CHD9: variants seen among roughly 807,000 people sequenced by gnomAD.
The protein encoded by CHD9 is chromodomain helicase DNA binding protein 9.
Under a neutral mutation model 316.1 loss-of-function variants are expected in CHD9, and 77 were observed. The ratio of observed to expected loss-of-function variants is 0.24; its 90% confidence interval spans 0.20 to 0.29. The LOEUF (loss-of-function observed/expected upper bound fraction) is 0.29. Ranked by LOEUF, CHD9 falls within the 10% of genes least tolerant of loss-of-function variation. The pLI is 1.00. For missense variants in CHD9, 2,763 were observed against 3,438.1 expected (o/e 0.80, Z 4.91); for synonymous variants, 1,129 against 1,158.3 (o/e 0.97, Z 0.51).
At chr16:53,275,918 C>T (rs1205460532) in intron 24 of CHD9, among the ~76,000 whole-genome samples, 5 of 152,252 alleles carry the variant, frequency 3.3e-5, no homozygotes, top group Admixed American at 1.3e-4. Context: ...CCACTACAGC[C>T]GCATAATCAC....
rs747096851 is a variant in CHD9, at chr16:53,245,511, C to T, written c.3198+32C>T. 11 of 1,552,208 alleles carry T rather than the reference C, an allele frequency of 7.1e-6. No individual in the cohort carries two copies. Among genetic ancestry groups the T allele is most frequent in the African/African-American group, 2.8e-5 (2 of 72,252 alleles). On this transcript the variant is annotated intron_variant, in intron 14 of 38. Coordinates refer to ENST00000447540, the MANE Select transcript of CHD9 (RefSeq NM_001308319.2). The surrounding 1 kb of genome is among the most constrained non-coding windows in gnomAD (Gnocchi z 4.1). Reference sequence around the variant, plus strand: ...TATTGCTCTTTGTAAATACATTCATCGCATTTCTAATCATTGTAATTATTT... The same window carrying T: ...TATTGCTCTTTGTAAATACATTCATTGCATTTCTAATCATTGTAATTATTT...
chr16:53,119,673 A>T (rs760703120), intron 1 of CHD9, among the ~76,000 whole-genome samples: 1 of 152,160 alleles, frequency 6.6e-6, no homozygotes, highest in Non-Finnish European at 1.5e-5. Flanking sequence ...TCTCTACTAA[A>T]TATAAAAAAT....
chr16:53,128,112 T>G (rs1372514535), intron 1 of CHD9, among the ~76,000 whole-genome samples: 2 of 152,202 alleles, frequency 1.3e-5, no homozygotes, highest in Non-Finnish European at 2.9e-5. Flanking sequence ...ACAGGCTTTC[T>G]GGATACCCAA....
chr16:53,161,035 T>A (rs62048020), intron 2 of CHD9, among the ~76,000 whole-genome samples: 36,405 of 152,024 alleles, frequency 0.24, 4,695 homozygotes, highest in Middle Eastern at 0.32. Context: ...CAGTGAGCTG[T>A]GATTGTGTTG....
At chr16:53,206,982 C>T (rs1026427637) in intron 2 of CHD9, among the ~76,000 whole-genome samples, 5 of 152,180 alleles carry the variant, frequency 3.3e-5, no homozygotes, top group Non-Finnish European at 7.4e-5. Flanking sequence ...ATCCTTTCCT[C>T]GTCCTTACTT....
chr16:53,288,964 A>G (rs2054111155), intron 27 of CHD9, among the ~76,000 whole-genome samples: 1 of 151,740 alleles, frequency 6.6e-6, no homozygotes, highest in African/African-American at 2.4e-5. Context: ...GAAACAGTTC[A>G]ACCCTGACTA....
chr16:53,217,140 G>A (rs1224225737), intron 3 of CHD9, among the ~76,000 whole-genome samples: 1 of 152,038 alleles, frequency 6.6e-6, no homozygotes, highest in Non-Finnish European at 1.5e-5. Context: ...ATTTAGGATA[G>A]CTCCTCAGAC....
At chr16:53,107,459 C>CAAAAA (rs2037447552) in intron 1 of CHD9, among the ~76,000 whole-genome samples, 1 of 129,830 alleles carries the variant, frequency 7.7e-6, no homozygotes. Context: ...CACTCCATCT[C>CAAAAA]AAAATAAAAT....
intron 31 of CHD9, among the ~76,000 whole-genome samples, 165 bp downstream of exon 31, chr16:53,304,790 G>T (rs1347807229): frequency 6.7e-6 from 1 of 149,400 alleles, no homozygotes; most frequent in East Asian, 2.0e-4. Flanking sequence ...CACCTCCTGG[G>T]TTCAAGCGAC....
Position 53,159,845 on chromosome 16 carries a change from G to C in CHD9, c.1452+2304G>C, listed in dbSNP as rs188631415. On this transcript the variant is annotated intron_variant, in intron 2 of 38. Coordinates refer to ENST00000447540, the MANE Select transcript of CHD9 (RefSeq NM_001308319.2). ...GGCTGATCTCTGGTCTTGAACTCCTGACCTCAGGTGATCCACCGGCCTTGA... is the reference window on the plus strand; with the variant it reads ...GGCTGATCTCTGGTCTTGAACTCCTCACCTCAGGTGATCCACCGGCCTTGA... Among the ~76,000 whole-genome samples, 126 of 152,236 alleles carry C rather than the reference G, an allele frequency of 8.3e-4. 1 individual carries two copies. The South Asian group carries it at 1.0e-2, about 12-fold the overall frequency.
chr16:53,232,379 G>C (rs2048252590), intron 10 of CHD9, among the ~76,000 whole-genome samples: 1 of 152,108 alleles, frequency 6.6e-6, no homozygotes, highest in Non-Finnish European at 1.5e-5. Flanking sequence ...GTGCATATCA[G>C]AATCTCTTCT....
rs1041644349 is a variant in CHD9 at position 53,072,828 on chromosome 16, G to A, written c.-165+17751G>A. Among the ~76,000 whole-genome samples, 9 of 151,970 alleles carry A rather than the reference G, an allele frequency of 5.9e-5. No individual in the cohort carries two copies. In the East Asian group the frequency reaches 1.7e-3, roughly 29 times the overall value. On this transcript the variant is annotated intron_variant, in intron 1 of 38. Transcript: ENST00000447540. ...TCCTGCCTCAGCCTCCTGAGTAGCTGGGACTACAGGCGCCTGCCACCACGC... is the reference window on the plus strand; with the variant it reads ...TCCTGCCTCAGCCTCCTGAGTAGCTAGGACTACAGGCGCCTGCCACCACGC...
At chr16:53,323,100 T>C (rs2057379549) in intron 38 of CHD9, among the ~76,000 whole-genome samples, 1 of 152,208 alleles carries the variant, frequency 6.6e-6, no homozygotes, top group Non-Finnish European at 1.5e-5. Context: ...CACATGTGGC[T>C]GTTGAGCACT....
intron 1 of CHD9, among the ~76,000 whole-genome samples, chr16:53,146,415 G>GTATTTATATATATATATATATATATATA (rs149684203): frequency 1.6e-5 from 1 of 64,444 alleles, no homozygotes; most frequent in Non-Finnish European, 2.9e-5. Context: ...GTGTGTGTGT[G>GTATTTATATATATATATATATATATATA]TATGTATATA....
At position 53,306,220 on chromosome 16, in the gene CHD9, A is replaced by G; in HGVS notation, c.6620-17A>G. ...TATGTAGTCTTTTTAAAAAATGATTATAATTGTTTTTAGCAGAAAGTACTA... is the reference window on the plus strand; with the variant it reads ...TATGTAGTCTTTTTAAAAAATGATTGTAATTGTTTTTAGCAGAAAGTACTA... On this transcript the variant is annotated splice_polypyrimidine_tract_variant and intron_variant, in intron 31 of 38. Transcript: ENST00000447540. The G allele has an allele frequency of 7.0e-7, 1 of 1,433,162 alleles. No homozygotes were observed. Among genetic ancestry groups the G allele is most frequent in the East Asian group, 2.6e-5 (1 of 38,918 alleles). The allele number at this position is 1,433,162 out of a possible 1,614,324, so 88.8% of individuals were successfully genotyped here. A position where few individuals can be genotyped will look rare whatever the true frequency, so the allele number is the denominator to read the frequency against.
Position 53,228,978 on chromosome 16 carries a change from T to G in CHD9, c.2169-5T>G. The G allele has an allele frequency of 7.2e-7, 1 of 1,385,988 alleles. No homozygotes were observed. Among genetic ancestry groups the G allele is most frequent in the African/African-American group, 1.5e-5 (1 of 68,778 alleles). The allele number at this position is 1,385,988 out of a possible 1,614,324, so 85.9% of individuals were successfully genotyped here. On this transcript the variant is annotated splice_polypyrimidine_tract_variant and splice_region_variant and intron_variant, in intron 7 of 38. Transcript: ENST00000447540. ...TCTAATATATTATTTTTATAAAAATTTTAGCTCCTATCTTCACTGTGAGTG... is the reference window on the plus strand; with the variant it reads ...TCTAATATATTATTTTTATAAAAATGTTAGCTCCTATCTTCACTGTGAGTG...
chr16:53,081,400 G>A (rs764922916), intron 1 of CHD9, among the ~76,000 whole-genome samples: 3 of 152,154 alleles, frequency 2.0e-5, no homozygotes, highest in Non-Finnish European at 4.4e-5. Flanking sequence ...GGGCAATAAA[G>A]CACCCACCCA....
chr16:53,163,117 T>G (rs914881991), intron 2 of CHD9, among the ~76,000 whole-genome samples: 2 of 152,180 alleles, frequency 1.3e-5, no homozygotes, highest in Non-Finnish European at 2.9e-5. Context: ...GTAATATTAT[T>G]ACCAAAAGAT....
chr16:53,314,584 A>G, intron 35 of CHD9, 68 bp downstream of exon 35: 1 of 1,291,838 alleles, frequency 7.7e-7, no homozygotes, highest in Non-Finnish European at 1.1e-6. Context: ...TATACATATT[A>G]TTGTTTTGTG....
Sources: gnomAD v4.1 joint callset for allele counts (sites outside exome capture counted in the v4.1 genomes callset) on GRCh38, gnomAD v4.1.1 for gene constraint, Gnocchi (gnomAD v3.1) non-coding constraint, MANE v1.5 for transcripts, NCBI Gene and HGNC (gene_info 2026-07-23, HGNC 2026-07-21) for gene names.